Variants in MDGA2 observed in about 807,000 individuals in gnomAD.
MDGA2 encodes the protein MAM domain-containing glycosylphosphatidylinositol anchor protein 2.
MDGA2 carries 40 observed loss-of-function variants against 117.8 expected under a neutral mutation model. That is an observed-to-expected ratio of 0.34 (90% CI 0.26 to 0.44). The LOEUF (loss-of-function observed/expected upper bound fraction) is 0.44, where lower values mean the gene tolerates loss of function less well. Ranked by LOEUF, MDGA2 falls within the 20% of genes least tolerant of loss-of-function variation. The pLI is 1.00. For synonymous variants in MDGA2, 452 were observed against 439.0 expected (o/e 1.03, Z -0.37); for missense variants, 1,123 against 1,250.6 (o/e 0.90, Z 1.54).
At chr14:47,482,123 G>A (rs1893966567) in intron 1 of MDGA2, among the ~76,000 whole-genome samples, 1 of 151,994 alleles carries the variant, frequency 6.6e-6, no homozygotes, top group African/African-American at 2.4e-5. Context: ...TAGCTCCACA[G>A]TTCGTTCTTA....
At chr14:46,911,937 G>C (rs1238924100) in intron 10 of MDGA2, among the ~76,000 whole-genome samples, 1 of 152,076 alleles carries the variant, frequency 6.6e-6, no homozygotes, top group African/African-American at 2.4e-5. Context: ...AACCAACACT[G>C]AACAGGGCTC....
chr14:46,979,794 T>C (rs933489985), intron 8 of MDGA2, among the ~76,000 whole-genome samples: 2 of 152,316 alleles, frequency 1.3e-5, no homozygotes, highest in Non-Finnish European at 2.9e-5. Flanking sequence ...GAAGCCATCA[T>C]GATAACTTAA....
chr14:47,424,962 AG>A (rs1892655247), intron 1 of MDGA2, among the ~76,000 whole-genome samples: 1 of 152,188 alleles, frequency 6.6e-6, no homozygotes, highest in Non-Finnish European at 1.5e-5. Flanking sequence ...TGAAGTGTGG[AG>A]AGAAAGGTGG....
chr14:47,308,183 T>C (rs531721453), intron 1 of MDGA2, among the ~76,000 whole-genome samples: 9 of 152,268 alleles, frequency 5.9e-5, no homozygotes, highest in African/African-American at 2.2e-4. Context: ...ATGTGTGGTT[T>C]GACTGAGGAA....
At chr14:46,872,180 C>T (rs1399762413) in intron 14 of MDGA2, among the ~76,000 whole-genome samples, 3 of 151,822 alleles carry the variant, frequency 2.0e-5, no homozygotes, top group African/African-American at 7.3e-5. Context: ...TTCACTTTTA[C>T]AAACTTAATT....
chr14:47,536,979 A>C (rs919167639), intron 1 of MDGA2, among the ~76,000 whole-genome samples: 2 of 152,200 alleles, frequency 1.3e-5, no homozygotes, highest in African/African-American at 2.4e-5. Flanking sequence ...TCTGTTCAAA[A>C]GTAAAATATG....
intron 1 of MDGA2, among the ~76,000 whole-genome samples, chr14:47,416,698 T>C (rs77544995): frequency 0.021 from 3,198 of 152,254 alleles, 40 homozygotes; most frequent in Non-Finnish European, 0.033. Flanking sequence ...AGCACACGCA[T>C]GAGCTGCACC....
intron 1 of MDGA2, among the ~76,000 whole-genome samples, chr14:47,619,694 A>T (rs1897015111): frequency 6.6e-6 from 1 of 152,156 alleles, no homozygotes; most frequent in Non-Finnish European, 1.5e-5. Flanking sequence ...AAGGAGCTAT[A>T]TTGCTCTTTT....
At chr14:47,574,096 A>G (rs754951426) in intron 1 of MDGA2, among the ~76,000 whole-genome samples, 1 of 152,134 alleles carries the variant, frequency 6.6e-6, no homozygotes, top group Non-Finnish European at 1.5e-5. Context: ...GTTCTTATGG[A>G]GAAGAAAATG....
At chr14:47,106,714 G>A (rs1223094794) in intron 5 of MDGA2, among the ~76,000 whole-genome samples, 3 of 151,694 alleles carry the variant, frequency 2.0e-5, no homozygotes, top group Non-Finnish European at 2.9e-5. Context: ...CGAGCTTCCG[G>A]TAACTCTCAC....
intron 15 of MDGA2, 97 bp from the exon 16 acceptor site, chr14:46,845,968 A>G: frequency 1.2e-6 from 1 of 824,206 alleles, no homozygotes; most frequent in African/African-American, 1.7e-5. Context: ...CTTGTCAGTA[A>G]TCCTGGCATC....
intron 1 of MDGA2, among the ~76,000 whole-genome samples, chr14:47,617,442 G>A (rs1896967337): frequency 6.6e-6 from 1 of 152,038 alleles, no homozygotes; most frequent in Admixed American, 6.6e-5. Context: ...GACCCCAGGT[G>A]ATCCACCCAC....
intron 1 of MDGA2, among the ~76,000 whole-genome samples, chr14:47,378,658 G>A (rs930664079): frequency 2.6e-5 from 4 of 152,096 alleles, no homozygotes; most frequent in Admixed American, 6.5e-5. Flanking sequence ...GAGAAGAGAA[G>A]TTTAGAGAAA....
intron 8 of MDGA2, among the ~76,000 whole-genome samples, chr14:46,991,276 T>C (rs1173619393): frequency 6.6e-6 from 1 of 152,146 alleles, no homozygotes; most frequent in Non-Finnish European, 1.5e-5. Flanking sequence ...TATTTAAATC[T>C]TTTATAGAAT....
chr14:47,634,179 T>C (rs1003305670), intron 1 of MDGA2, among the ~76,000 whole-genome samples: 2 of 152,118 alleles, frequency 1.3e-5, no homozygotes, highest in Non-Finnish European at 2.9e-5. Flanking sequence ...TTTTGCTTAG[T>C]GTGGTATTTC....
intron 8 of MDGA2, among the ~76,000 whole-genome samples, chr14:47,025,667 TA>T (rs1888445275): frequency 6.7e-6 from 1 of 149,386 alleles, no homozygotes. Flanking sequence ...AAGTAGCCTC[TA>T]AACACCATAC....
At position 47,398,479 on chromosome 14, in the gene MDGA2, T is replaced by C. The variant is rs368282328; in HGVS notation, c.281-96929A>G. 3.5e-4 allele frequency among the ~76,000 whole-genome samples: 53 copies of C among 152,260 alleles called. No homozygotes were observed. The East Asian group carries it at 3.9e-3, about 11-fold the overall frequency. ...AAAAAACTATTTTTTGGAGAGGTTG[T>C]TATGGGGATTATAGAAACTATATAT... On this transcript the variant is annotated intron_variant, in intron 1 of 16. Transcript: ENST00000399232.
rs568224124 is a variant in MDGA2 at position 46,880,803 on chromosome 14, CAAAAAAAA to C, written c.2416+1233_2416+1240del. On this transcript the variant is annotated intron_variant, in intron 11 of 16. Transcript: ENST00000399232. ...GGCAACAAAAGCAAAATCCCGTCTC[CAAAAAAAA>C]AAAAAAAAAAAAAAAGAAAGAATAA... 1.1e-4 allele frequency among the ~76,000 whole-genome samples: 6 copies of C among 54,076 alleles called. No individual in the cohort carries two copies. In the Admixed American group the frequency reaches 1.4e-3, roughly 12 times the overall value. 35.5% of individuals were successfully genotyped at this position (54,076 alleles called of 152,430 possible).
Position 47,627,198 on chromosome 14 carries a change from G to A in MDGA2, c.280+47319C>T, listed in dbSNP as rs531246612. Among the ~76,000 whole-genome samples, 34 of 152,174 alleles carry A rather than the reference G, an allele frequency of 2.2e-4. 1 individual carries two copies. The South Asian group carries it at 6.9e-3, about 31-fold the overall frequency. ...TTGTAAACACACCAATCAGCACCCCGTGCCTAGCTCAGGGTTTGTGAATGC... is the reference window on the plus strand; with the variant it reads ...TTGTAAACACACCAATCAGCACCCCATGCCTAGCTCAGGGTTTGTGAATGC... On this transcript the variant is annotated intron_variant, in intron 1 of 16. Coordinates refer to ENST00000399232, the MANE Select transcript of MDGA2 (RefSeq NM_001113498.3).
Sources: allele counts gnomAD v4.1 joint callset (sites outside exome capture counted in the v4.1 genomes callset), GRCh38; gene constraint gnomAD v4.1.1; transcripts MANE v1.5; gene names NCBI Gene and HGNC (gene_info 2026-07-23, HGNC 2026-07-21).